The following BMPR1A variants were observed in gnomAD, a reference collection of about 807,000 sequenced individuals.
BMPR1A encodes the protein bone morphogenetic protein receptor type-1A.
Under a neutral mutation model 66.0 loss-of-function variants are expected in BMPR1A, and 7 were observed. That is an observed-to-expected ratio of 0.11 (90% CI 0.06 to 0.20). The LOEUF is 0.20. BMPR1A is among the 10% of genes least tolerant of loss of function. BMPR1A has a pLI of 1.00. For missense variants in BMPR1A, 408 were observed against 669.1 expected, an observed-to-expected ratio of 0.61 and a Z score of 4.31; for synonymous variants, 200 against 229.7, an observed-to-expected ratio of 0.87 and a Z score of 1.17.
intron 2 of BMPR1A, among the ~76,000 whole-genome samples, chr10:86,840,944 A>G (rs1372580685): frequency 6.6e-6 from 1 of 152,126 alleles, no homozygotes; most frequent in African/African-American, 2.4e-5. Flanking sequence ...TATTGCAGGG[A>G]TCTCCCAGCT....
intron 1 of BMPR1A, among the ~76,000 whole-genome samples, chr10:86,801,837 C>T (rs576509670): frequency 1.2e-4 from 19 of 152,058 alleles, no homozygotes; most frequent in Non-Finnish European, 2.1e-4. Flanking sequence ...CTCAGACTCC[C>T]GAGTAGCTTG....
chr10:86,780,046 A>G (rs1037947169), intron 1 of BMPR1A, among the ~76,000 whole-genome samples: 1 of 152,132 alleles, frequency 6.6e-6, no homozygotes, highest in African/African-American at 2.4e-5. Flanking sequence ...CTGGGATTAC[A>G]GGCATGAGCC....
chr10:86,854,057 C>G (rs983056813), intron 2 of BMPR1A, among the ~76,000 whole-genome samples: 1 of 152,052 alleles, frequency 6.6e-6, no homozygotes, highest in African/African-American at 2.4e-5. Flanking sequence ...GACGGCCACA[C>G]CCAAGGGGAC....
At chr10:86,755,812 G>A (rs1054111472), upstream of BMPR1A, 4 of 152,096 alleles carry the variant, frequency 2.6e-5, no homozygotes, top group African/African-American at 9.7e-5. Context: ...CGGGCTCGCA[G>A]GTCACAGGAG....
At chr10:86,803,004 C>CAAAAAAAAA (rs59957238) in intron 1 of BMPR1A, among the ~76,000 whole-genome samples, 1 of 75,948 alleles carries the variant, frequency 1.3e-5, no homozygotes, top group African/African-American at 4.7e-5. Context: ...GACCCGGTCT[C>CAAAAAAAAA]AAAAAAAAAA....
intron 2 of BMPR1A, chr10:86,854,851 C>A: frequency 4.1e-6 from 1 of 242,846 alleles, no homozygotes; most frequent in South Asian, 7.7e-5. Context: ...AAGACTCTTC[C>A]AAGCTGTTGA....
intron 1 of BMPR1A, among the ~76,000 whole-genome samples, chr10:86,774,523 G>T (rs1281940687): frequency 6.6e-6 from 1 of 152,020 alleles, no homozygotes; most frequent in African/African-American, 2.4e-5. Context: ...AAGAATTGAT[G>T]ATTCTTATTT....
chr10:86,791,960 C>G (rs372307083), intron 1 of BMPR1A, among the ~76,000 whole-genome samples: 1 of 148,910 alleles, frequency 6.7e-6, no homozygotes, highest in African/African-American at 2.5e-5. Flanking sequence ...CTCAAGTGAT[C>G]GCCTGCTTTG....
At chr10:86,779,058 A>G (rs1056703430) in intron 1 of BMPR1A, among the ~76,000 whole-genome samples, 3 of 151,646 alleles carry the variant, frequency 2.0e-5, no homozygotes, top group Non-Finnish European at 1.5e-5. Context: ...ATCAGTCACC[A>G]TACTCAGCCC....
chr10:86,870,018 A>T (rs1842835080), intron 2 of BMPR1A, among the ~76,000 whole-genome samples: 1 of 152,156 alleles, frequency 6.6e-6, no homozygotes, highest in Non-Finnish European at 1.5e-5. Context: ...ATTTTTAAAA[A>T]TTATTTATAT....
At chr10:86,882,436 G>A (rs754128753) in intron 3 of BMPR1A, among the ~76,000 whole-genome samples, 20 of 151,464 alleles carry the variant, frequency 1.3e-4, no homozygotes, top group Non-Finnish European at 2.4e-4. Context: ...AAAATAAAAA[G>A]TTTTCTGGAA....
intron 7 of BMPR1A, among the ~76,000 whole-genome samples, chr10:86,902,151 C>T (rs1843320650): frequency 6.6e-6 from 1 of 152,166 alleles, no homozygotes; most frequent in East Asian, 1.9e-4. Context: ...TGAGCCACCG[C>T]ACCTGGCCTC....
At chr10:86,781,966 A>C (rs1407874978) in intron 1 of BMPR1A, among the ~76,000 whole-genome samples, 1 of 145,576 alleles carries the variant, frequency 6.9e-6, no homozygotes, top group Non-Finnish European at 1.5e-5. Context: ...TCCCAGGTTC[A>C]AGTGATTCTT....
chr10:86,874,465 G>A (rs1842893330), intron 2 of BMPR1A, among the ~76,000 whole-genome samples: 2 of 152,090 alleles, frequency 1.3e-5, no homozygotes, highest in Non-Finnish European at 2.9e-5. Context: ...GAGTGCAGTG[G>A]CGCAGTCTCA....
Position 86,797,068 on chromosome 10 carries a change from C to CT in BMPR1A, c.-268+40165dup, listed in dbSNP as rs780930060. Among the ~76,000 whole-genome samples, 860 of 105,002 alleles carry CT rather than the reference C, an allele frequency of 8.2e-3. 17 individuals are homozygous for CT. Among genetic ancestry groups the CT allele is most frequent in the Admixed American group, 0.039 (380 of 9,622 alleles). 68.9% of individuals were successfully genotyped at this position (105,002 alleles called of 152,430 possible). A position where few individuals can be genotyped will look rare whatever the true frequency, so the allele number is the denominator to read the frequency against. ...TTTTCCTTTCTTTTTCTTTTCTTTT[C>CT]TTTTTTTTTTTTTTTTGAGACAGTC... On this transcript the variant is annotated intron_variant, in intron 1 of 12. Coordinates refer to ENST00000372037, the MANE Select transcript of BMPR1A (RefSeq NM_004329.3).
At chr10:86,890,437 A>G (rs894085098) in intron 4 of BMPR1A, among the ~76,000 whole-genome samples, 4 of 152,092 alleles carry the variant, frequency 2.6e-5, no homozygotes, top group Non-Finnish European at 2.9e-5. Context: ...GTTATAATGC[A>G]GCTTTTAAAA....
intron 5 of BMPR1A, among the ~76,000 whole-genome samples, chr10:86,894,432 T>G (rs1184604760): frequency 6.6e-6 from 1 of 152,264 alleles, no homozygotes; most frequent in East Asian, 1.9e-4. Flanking sequence ...GATGCTAATT[T>G]CGTTGTTCCA....
intron 1 of BMPR1A, among the ~76,000 whole-genome samples, chr10:86,812,314 T>C (rs908116013): frequency 2.0e-5 from 3 of 152,232 alleles, no homozygotes. Flanking sequence ...TTATGCCTTT[T>C]GAGGGTCATC....
At chr10:86,761,708 G>A (rs766822010) in intron 1 of BMPR1A, among the ~76,000 whole-genome samples, 12 of 152,200 alleles carry the variant, frequency 7.9e-5, no homozygotes, top group Non-Finnish European at 1.8e-4. Flanking sequence ...TTAAGATGGT[G>A]GCAGATAATT....
Sources: allele counts gnomAD v4.1 joint callset (sites outside exome capture counted in the v4.1 genomes callset), GRCh38; gene constraint gnomAD v4.1.1; transcripts MANE v1.5; gene names NCBI Gene and HGNC (gene_info 2026-07-23, HGNC 2026-07-21).